The following NTPCR variants were observed in gnomAD, a reference collection of about 807,000 sequenced individuals.
NTPCR encodes cancer-related nucleoside-triphosphatase.
A neutral mutation model predicts 19.5 loss-of-function variants in NTPCR; 15 were observed. The observed-to-expected ratio is 0.77, with a 90% CI of 0.51 to 1.18. The LOEUF is 1.18. Among genes scored for constraint, NTPCR ranks in the 50% most tolerant of loss-of-function variants. The probability of loss-of-function intolerance (pLI) is 0.00; values close to 1 mark genes in which losing one functional copy is unlikely to be tolerated. For synonymous variants in NTPCR, 90 were observed against 95.8 expected (o/e 0.94, Z 0.36); for missense variants, 206 against 240.4 (o/e 0.86, Z 0.95).
At chr1:232,957,508 A>C (rs1668546169) in intron 3 of NTPCR, among the ~76,000 whole-genome samples, 1 of 152,032 alleles carries the variant, frequency 6.6e-6, no homozygotes, top group African/African-American at 2.4e-5. Context: ...AATGCTTTTT[A>C]TTTTGTAAGA....
chr1:232,961,682 A>G (rs1033196547), intron 3 of NTPCR, among the ~76,000 whole-genome samples: 1 of 152,122 alleles, frequency 6.6e-6, no homozygotes, highest in Admixed American at 6.6e-5. Flanking sequence ...TTCCAAATTT[A>G]TATAAAATTT....
intron 4 of NTPCR, among the ~76,000 whole-genome samples, chr1:232,971,312 A>C (rs1358461127): frequency 6.6e-6 from 1 of 152,088 alleles, no homozygotes; most frequent in Non-Finnish European, 1.5e-5. Flanking sequence ...GGCCACTCCT[A>C]TCAGGGGGAG....
intron 1 of NTPCR, 62 bp from the exon 2 acceptor site, chr1:232,955,493 GCT>G (rs1455505083): frequency 4.4e-6 from 6 of 1,365,858 alleles, no homozygotes; most frequent in Non-Finnish European, 5.9e-6. Context: ...TGCTGTGTGT[GCT>G]CTAGTAAGGG....
chr1:232,964,281 G>A (rs919433302), intron 3 of NTPCR: 3 of 152,156 alleles, frequency 2.0e-5, no homozygotes, highest in Admixed American at 6.5e-5. Flanking sequence ...AATAAAGCTG[G>A]AATACTCCAT....
intron 3 of NTPCR, chr1:232,963,833 CTCTGTGTGTGTGTGTGTGTGTGTG>C (rs1668735400): frequency 7.8e-6 from 1 of 127,946 alleles, no homozygotes; most frequent in Non-Finnish European, 1.6e-5. Flanking sequence ...TATTCTCTCT[CTCTGTGTGTGTGTGTGTGTGTGTG>C]TGTGTGTGTG....
chr1:232,973,910 CAG>C (rs913056386), intron 4 of NTPCR, among the ~76,000 whole-genome samples: 6 of 152,144 alleles, frequency 3.9e-5, no homozygotes, highest in African/African-American at 1.2e-4. Context: ...ACAAAATGAA[CAG>C]AGTTTCTGGG....
In NTPCR at chr1:232,981,437, G is replaced by A. The variant is rs1009750850; in HGVS notation, c.*3206G>A. ...TCACACCTGTGTGTGTGCTGATGGCGGATGCTTGTGTAGCATAGTGACTTG... is the reference window on the plus strand; with the variant it reads ...TCACACCTGTGTGTGTGCTGATGGCAGATGCTTGTGTAGCATAGTGACTTG... On this transcript the variant is annotated 3_prime_UTR_variant, in exon 5 of 5. Coordinates refer to ENST00000366628, the MANE Select transcript of NTPCR (RefSeq NM_032324.3). 1.3e-5 allele frequency: 2 copies of A among 152,220 alleles called. No homozygotes were observed. Among genetic ancestry groups the A allele is most frequent in the Non-Finnish European group, 2.9e-5 (2 of 68,058 alleles). 9.4% of individuals were successfully genotyped at this position (152,220 alleles called of 1,614,324 possible). A position where few individuals can be genotyped will look rare whatever the true frequency, so the allele number is the denominator to read the frequency against.
At chr1:232,950,787 G>A in intron 1 of NTPCR, 43 bp downstream of exon 1, 1 of 1,421,610 alleles carries the variant, frequency 7.0e-7, no homozygotes, top group Non-Finnish European at 9.6e-7. Flanking sequence ...TCGAGGGGGT[G>A]GGGGCGCGCG....
Position 232,983,116 on chromosome 1 carries a change from A to T in NTPCR, c.*4885A>T, listed in dbSNP as rs1435246649. 1 of 152,170 alleles carries T rather than the reference A, an allele frequency of 6.6e-6. No homozygotes were observed. 9.4% of individuals were successfully genotyped at this position (152,170 alleles called of 1,614,324 possible). ...CATTACCATTTACTTTCCAAGGGGC[A>T]AGAGATTCTCTACAATACCCTTCCC... On this transcript the variant is annotated 3_prime_UTR_variant, in exon 5 of 5. Transcript: ENST00000366628.
chr1:232,971,825 A>G (rs1367798647), intron 4 of NTPCR, among the ~76,000 whole-genome samples: 1 of 152,218 alleles, frequency 6.6e-6, no homozygotes, highest in Admixed American at 6.5e-5. Flanking sequence ...AGCCCTGAAA[A>G]GTCTGTGGGG....
At chr1:232,956,481 C>G (rs772290117) in intron 3 of NTPCR, 38 bp downstream of exon 3, 4 of 1,381,202 alleles carry the variant, frequency 2.9e-6, no homozygotes, top group Non-Finnish European at 4.1e-6. Flanking sequence ...CCCATCTGCT[C>G]TTAGTGTATT....
At chr1:232,953,855 T>C (rs960181156) in intron 1 of NTPCR, among the ~76,000 whole-genome samples, 2 of 152,248 alleles carry the variant, frequency 1.3e-5, no homozygotes, top group Non-Finnish European at 2.9e-5. Flanking sequence ...AAGCAGTATA[T>C]TTTTTAATGG....
intron 2 of NTPCR, 69 bp from the exon 3 acceptor site, chr1:232,956,278 T>C (rs1046446673): frequency 1.9e-6 from 2 of 1,056,704 alleles, no homozygotes; most frequent in African/African-American, 3.1e-5. Context: ...AGAGGCTCAG[T>C]GGAGCAGCTA....
intron 3 of NTPCR, among the ~76,000 whole-genome samples, chr1:232,957,203 C>T (rs1330692415): frequency 6.6e-6 from 1 of 152,176 alleles, no homozygotes; most frequent in African/African-American, 2.4e-5. Context: ...CAGGTTAATA[C>T]TGGTCTAATA....
At chr1:232,950,811 C>T in intron 1 of NTPCR, 67 bp downstream of exon 1, 1 of 1,128,808 alleles carries the variant, frequency 8.9e-7, no homozygotes, top group Non-Finnish European at 1.3e-6. Context: ...TGCGGGCGAC[C>T]TTGTGCTGTC....
At chr1:232,956,213 C>T in intron 2 of NTPCR, 134 bp from the exon 3 acceptor site, 1 of 675,704 alleles carries the variant, frequency 1.5e-6, no homozygotes, top group Non-Finnish European at 2.7e-6. Context: ...GCTTTACAGA[C>T]CACCGCATTT....
At chr1:232,967,660 A>T (rs978723923) in intron 3 of NTPCR, 3 of 152,252 alleles carry the variant, frequency 2.0e-5, no homozygotes, top group Non-Finnish European at 4.4e-5. Flanking sequence ...TACTACCCTC[A>T]TGTATATAGT....
Position 232,982,943 on chromosome 1 carries a change from T to G in NTPCR, c.*4712T>G, listed in dbSNP as rs377359059. On this transcript the variant is annotated 3_prime_UTR_variant, in exon 5 of 5. Coordinates refer to ENST00000366628, the MANE Select transcript of NTPCR (RefSeq NM_032324.3). ...CAGCAAGGCCCTATCAGCTTCCCAT[T>G]AGACAAACAACTGCATTTAAATTAA... is the stretch of plus-strand genomic sequence containing the variant. The G allele has an allele frequency of 1.7e-4, 26 of 152,290 alleles. 1 individual carries two copies. The highest frequency in any genetic ancestry group is 6.3e-4 in the African/African-American group (26 of 41,564). The allele number at this position is 152,290 out of a possible 1,614,324, so 9.4% of individuals were successfully genotyped here. A position where few individuals can be genotyped will look rare whatever the true frequency, so the allele number is the denominator to read the frequency against.
chr1:232,969,659 T>C (rs1668918136), intron 3 of NTPCR: 2 of 415,036 alleles, frequency 4.8e-6, no homozygotes, highest in Non-Finnish European at 8.9e-6. Flanking sequence ...TCCTTGAACA[T>C]CCCACTGGTG....
Sources: allele counts gnomAD v4.1 joint callset (sites outside exome capture counted in the v4.1 genomes callset), GRCh38; gene constraint gnomAD v4.1.1; transcripts MANE v1.5; gene names NCBI Gene and HGNC (gene_info 2026-07-23, HGNC 2026-07-21).